Variants in SYT16 observed in about 807,000 individuals in gnomAD.
The protein encoded by SYT16 is synaptotagmin 16.
Under a neutral mutation model 61.4 loss-of-function variants are expected in SYT16, and 42 were observed. The observed-to-expected ratio is 0.68, with a 90% CI of 0.53 to 0.89. The LOEUF is 0.89. SYT16 is among the 40% of genes least tolerant of loss of function. The probability of loss-of-function intolerance (pLI) is 0.00; values close to 1 mark genes in which losing one functional copy is unlikely to be tolerated. For synonymous variants in SYT16, 314 were observed against 302.3 expected (o/e 1.04, Z -0.40); for missense variants, 804 against 807.3 (o/e 1.00, Z 0.05).
chr14:61,855,545 C>T (rs1216868313), intron 1 of SYT16, among the ~76,000 whole-genome samples: 1 of 152,004 alleles, frequency 6.6e-6, no homozygotes, highest in African/African-American at 2.4e-5. Flanking sequence ...GAATACTGTA[C>T]TGAAAGTGAG....
chr14:61,864,778 C>T, intron 1 of SYT16: 3 of 948,598 alleles, frequency 3.2e-6, no homozygotes, highest in South Asian at 1.5e-5. Context: ...GCCGGTTGGG[C>T]CCTAGTGTCT....
intron 2 of SYT16, among the ~76,000 whole-genome samples, chr14:61,975,786 GC>G (rs1647060063): frequency 6.6e-6 from 1 of 152,108 alleles, no homozygotes; most frequent in Non-Finnish European, 1.5e-5. Flanking sequence ...GGGACACAAA[GC>G]CTAACCATAT....
chr14:61,988,286 G>A (rs1269153272), intron 2 of SYT16, among the ~76,000 whole-genome samples: 2 of 152,108 alleles, frequency 1.3e-5, no homozygotes, highest in Non-Finnish European at 2.9e-5. Flanking sequence ...TTTATTATGT[G>A]TGTATCTGAA....
At chr14:62,087,038 T>G (rs1452351400) in intron 7 of SYT16, among the ~76,000 whole-genome samples, 1 of 152,240 alleles carries the variant, frequency 6.6e-6, no homozygotes, top group African/African-American at 2.4e-5. Flanking sequence ...TCTTGGGATT[T>G]TCAAGGGCTT....
At chr14:61,898,208 T>C (rs911395069) in intron 1 of SYT16, among the ~76,000 whole-genome samples, 1 of 152,076 alleles carries the variant, frequency 6.6e-6, no homozygotes, top group African/African-American at 2.4e-5. Flanking sequence ...TCAGAATAAT[T>C]CTCTATAATT....
At chr14:62,060,868 CT>C (rs1359962188) in intron 3 of SYT16, among the ~76,000 whole-genome samples, 6 of 152,038 alleles carry the variant, frequency 3.9e-5, no homozygotes, top group African/African-American at 1.4e-4. Context: ...CTTTCTTTCT[CT>C]TCTTTCTATA....
At chr14:61,993,254 G>C (rs986972182) in intron 2 of SYT16, among the ~76,000 whole-genome samples, 2 of 151,676 alleles carry the variant, frequency 1.3e-5, no homozygotes, top group African/African-American at 4.9e-5. Flanking sequence ...CACACACCGG[G>C]GCCTGTGGGG....
intron 3 of SYT16, among the ~76,000 whole-genome samples, chr14:62,026,704 T>TTG (rs1298996666): frequency 6.6e-6 from 1 of 152,200 alleles, no homozygotes; most frequent in East Asian, 1.9e-4. Context: ...TGGTTACTAC[T>TTG]GTAACATCAG....
At chr14:61,963,843 A>G (rs1174521403) in intron 1 of SYT16, among the ~76,000 whole-genome samples, 6 of 152,170 alleles carry the variant, frequency 3.9e-5, no homozygotes, top group East Asian at 1.9e-4. Context: ...ATTGAAGCCA[A>G]TGCTCATTGA....
chr14:61,995,840 T>G (rs1566747541), intron 2 of SYT16, 36 bp from the exon 3 acceptor site: 4 of 601,146 alleles, frequency 6.7e-6, no homozygotes, highest in Non-Finnish European at 1.1e-5. Context: ...AGGTTGTAAC[T>G]TTAACAGGTG....
At chr14:61,865,105 G>C in intron 1 of SYT16, 1 of 1,343,912 alleles carries the variant, frequency 7.4e-7, no homozygotes, top group South Asian at 1.2e-5. Flanking sequence ...CTCATCTGCT[G>C]GACTATGAAG....
At chr14:61,911,739 T>TG in intron 1 of SYT16, among the ~76,000 whole-genome samples, 1 of 152,318 alleles carries the variant, frequency 6.6e-6, no homozygotes, top group Non-Finnish European at 1.5e-5. Flanking sequence ...CTCTGAGCTG[T>TG]GATTGGCCAC....
At chr14:61,920,328 GT>G (rs1402375625) in intron 1 of SYT16, among the ~76,000 whole-genome samples, 1 of 152,116 alleles carries the variant, frequency 6.6e-6, no homozygotes, top group Non-Finnish European at 1.5e-5. Flanking sequence ...AGGTATACAT[GT>G]GCCATGGTGG....
intron 1 of SYT16, among the ~76,000 whole-genome samples, chr14:61,895,990 G>A (rs1352977040): frequency 2.0e-5 from 3 of 152,070 alleles, no homozygotes; most frequent in East Asian, 1.9e-4. Flanking sequence ...CTCTGTTTGC[G>A]CTGGGCTACC....
intron 3 of SYT16, among the ~76,000 whole-genome samples, chr14:62,028,987 C>T (rs1235364007): frequency 6.6e-6 from 1 of 152,176 alleles, no homozygotes; most frequent in African/African-American, 2.4e-5. Context: ...GGAACTATTT[C>T]TTAATACTGA....
At chr14:61,903,997 AGTTGGCCCTGCTTTTC>A (rs1268911009) in intron 1 of SYT16, among the ~76,000 whole-genome samples, 1 of 152,198 alleles carries the variant, frequency 6.6e-6, no homozygotes, top group Non-Finnish European at 1.5e-5. Flanking sequence ...TCCTGAGAGA[AGTTGGCCCTGCTTTTC>A]AGTCTATTCC....
At chr14:61,930,238 A>G (rs901839495) in intron 1 of SYT16, among the ~76,000 whole-genome samples, 2 of 151,642 alleles carry the variant, frequency 1.3e-5, no homozygotes, top group South Asian at 2.1e-4. Context: ...GCTGTCTCCT[A>G]TTTCTTTTTC....
chr14:61,987,800 T>C (rs1403615153), intron 2 of SYT16, among the ~76,000 whole-genome samples: 4 of 151,630 alleles, frequency 2.6e-5, no homozygotes, highest in Admixed American at 2.0e-4. Flanking sequence ...ATAATTAGTA[T>C]AAAAAACTTT....
intron 1 of SYT16, among the ~76,000 whole-genome samples, chr14:61,847,387 C>G (rs571937084): frequency 3.3e-4 from 50 of 152,238 alleles, no homozygotes; most frequent in Middle Eastern, 3.4e-3. Flanking sequence ...CTCTCCTGAC[C>G]TGTATGGTTT....
Sources: gnomAD v4.1 joint callset for allele counts (sites outside exome capture counted in the v4.1 genomes callset) on GRCh38, gnomAD v4.1.1 for gene constraint, MANE v1.5 for transcripts, NCBI Gene and HGNC (gene_info 2026-07-23, HGNC 2026-07-21) for gene names.